The following TUSC3 variants were observed in gnomAD, a reference collection of about 807,000 sequenced individuals.
TUSC3 encodes dolichyl-diphosphooligosaccharide--protein glycosyltransferase subunit TUSC3.
Under a neutral mutation model 44.8 loss-of-function variants are expected in TUSC3, and 45 were observed. That is an observed-to-expected ratio of 1.00 (90% CI 0.79 to 1.29). The LOEUF is 1.29. Among genes scored for constraint, TUSC3 ranks in the 50% most tolerant of loss-of-function variants. The pLI is 0.00. For missense variants in TUSC3, 519 were observed against 437.9 expected (o/e 1.19, Z -1.65); for synonymous variants, 212 against 152.9 (o/e 1.39, Z -2.85).
In TUSC3 at chr8:15,435,086, T is replaced by A. The variant is rs934082599; in HGVS notation, n.91+17781T>A. Among the ~76,000 whole-genome samples, 6 of 148,970 alleles carry A rather than the reference T, an allele frequency of 4.0e-5. No individual in the cohort carries two copies. The South Asian group carries it at 1.3e-3, about 33-fold the overall frequency. ...TGGCTGGGTCAAATGGTATTTCTAG[T>A]TCTAGATCCCTGAGGAATCGCCACA... On this transcript the variant is annotated intron_variant and non_coding_transcript_variant, in intron 1 of 5. Transcript: ENST00000503191.
intron 1 of TUSC3, 64 bp downstream of exon 1, chr8:15,540,632 A>C: frequency 6.8e-7 from 1 of 1,471,916 alleles, no homozygotes; most frequent in South Asian, 1.4e-5. Context: ...CCGCGTTGCC[A>C]GGCAGCCCTG....
chr8:15,826,626 T>C, the TUSC3 span, among the ~76,000 whole-genome samples: 1 of 152,076 alleles, frequency 6.6e-6, no homozygotes, highest in East Asian at 1.9e-4. Flanking sequence ...TGGAAATAAA[T>C]GAAGATAACC....
intron 2 of TUSC3, among the ~76,000 whole-genome samples, chr8:15,524,747 G>T (rs1052603509): frequency 2.0e-5 from 3 of 152,070 alleles, no homozygotes; most frequent in African/African-American, 7.2e-5. Flanking sequence ...TTTCACTGTC[G>T]TTCTCTCATG....
At chr8:15,840,907 CA>C in the TUSC3 span, among the ~76,000 whole-genome samples, 1 of 152,064 alleles carries the variant, frequency 6.6e-6, no homozygotes, top group Non-Finnish European at 1.5e-5. Context: ...ATGCAGTGCT[CA>C]TATAGGAATT....
chr8:15,476,043 C>T (rs897377457), intron 1 of TUSC3, among the ~76,000 whole-genome samples: 1 of 152,066 alleles, frequency 6.6e-6, no homozygotes, highest in Non-Finnish European at 1.5e-5. Flanking sequence ...AAAATTATTC[C>T]TTGTTTGCTC....
At chr8:15,689,191 G>T (rs1238257482) in intron 6 of TUSC3, 4 of 369,658 alleles carry the variant, frequency 1.1e-5, no homozygotes, top group African/African-American at 4.4e-5. Context: ...TAAGCAGCAA[G>T]GGCTGCTAAG....
intron 1 of TUSC3, among the ~76,000 whole-genome samples, chr8:15,605,069 A>T (rs1443428015): frequency 6.6e-6 from 1 of 151,868 alleles, no homozygotes; most frequent in Non-Finnish European, 1.5e-5. Flanking sequence ...GTAAAGATGA[A>T]TGTAGTAGTG....
At chr8:15,595,894 A>C (rs146044268) in intron 1 of TUSC3, among the ~76,000 whole-genome samples, 1 of 152,330 alleles carries the variant, frequency 6.6e-6, no homozygotes, top group East Asian at 1.9e-4. Flanking sequence ...GACAGTCTTC[A>C]TAAGGTCCAG....
chr8:15,609,604 G>A (rs1275449801), intron 1 of TUSC3, among the ~76,000 whole-genome samples: 1 of 152,104 alleles, frequency 6.6e-6, no homozygotes, highest in Non-Finnish European at 1.5e-5. Context: ...TGACCCATTT[G>A]ATGACTGTCC....
In TUSC3 at chr8:15,523,790, G is replaced by A. The variant is rs1262131717; in HGVS notation, n.189+40307G>A. 4.0e-5 allele frequency among the ~76,000 whole-genome samples: 6 copies of A among 149,770 alleles called. No individual in the cohort carries two copies. In the Admixed American group the frequency reaches 4.0e-4, roughly 10 times the overall value. Reference sequence around the variant, plus strand: ...GTAAAAATAGAGGCAGGGCGCGGAGGCTTACGCCTGTAATCCCAGCACTTT... The same window carrying A: ...GTAAAAATAGAGGCAGGGCGCGGAGACTTACGCCTGTAATCCCAGCACTTT... On this transcript the variant is annotated intron_variant and non_coding_transcript_variant, in intron 2 of 5. Transcript: ENST00000503191.
intron 2 of TUSC3, among the ~76,000 whole-genome samples, chr8:15,530,706 A>C (rs1158030831): frequency 6.6e-6 from 1 of 152,266 alleles, no homozygotes; most frequent in Non-Finnish European, 1.5e-5. Flanking sequence ...TCAATGTAAT[A>C]GTAAATGCTC....
chr8:15,790,711 G>A, the TUSC3 span, among the ~76,000 whole-genome samples: 1 of 152,174 alleles, frequency 6.6e-6, no homozygotes, highest in South Asian at 2.1e-4. Flanking sequence ...AAGGATGGTA[G>A]CAGCTTGCCA....
intron 2 of TUSC3, among the ~76,000 whole-genome samples, chr8:15,647,533 A>G (rs1364568326): frequency 6.6e-6 from 1 of 152,066 alleles, no homozygotes; most frequent in Non-Finnish European, 1.5e-5. Context: ...TCTAGTTTGT[A>G]TTGGTTGCAT....
intron 6 of TUSC3, among the ~76,000 whole-genome samples, chr8:15,714,632 A>C (rs1463623615): frequency 1.3e-5 from 2 of 152,120 alleles, no homozygotes; most frequent in African/African-American, 4.8e-5. Context: ...ATAATTTCCA[A>C]GGTTATACTT....
chr8:15,749,629 C>T (rs1269040979), intron 9 of TUSC3, among the ~76,000 whole-genome samples: 1 of 151,046 alleles, frequency 6.6e-6, no homozygotes, highest in African/African-American at 2.5e-5. Flanking sequence ...GCAGAGTCTT[C>T]AGGTTTTTCA....
intron 1 of TUSC3, among the ~76,000 whole-genome samples, chr8:15,421,986 T>C (rs1799743730): frequency 6.6e-6 from 1 of 152,186 alleles, no homozygotes; most frequent in Admixed American, 6.5e-5. Context: ...GGGAGCATCA[T>C]AATGTACTAA....
At chr8:15,733,351 G>GTT (rs35411856) in intron 7 of TUSC3, 3,692 of 350,550 alleles carry the variant, frequency 0.011, 8 homozygotes, top group East Asian at 0.054. Context: ...GCTTCTTTTT[G>GTT]TTTTTTTTTT....
intron 2 of TUSC3, among the ~76,000 whole-genome samples, chr8:15,521,666 G>C (rs756224963): frequency 1.3e-5 from 2 of 152,180 alleles, no homozygotes; most frequent in Non-Finnish European, 2.9e-5. Flanking sequence ...ACGAATTTAT[G>C]TTGGGCTGCA....
downstream of TUSC3, among the ~76,000 whole-genome samples, chr8:15,767,453 C>G (rs1187502807): frequency 6.6e-6 from 1 of 150,786 alleles, no homozygotes. Context: ...AAAACACTGT[C>G]ACATTCCATT....
Sources: gnomAD v4.1 joint callset for allele counts (sites outside exome capture counted in the v4.1 genomes callset) on GRCh38, gnomAD v4.1.1 for gene constraint, MANE v1.5 for transcripts, NCBI Gene and HGNC (gene_info 2026-07-23, HGNC 2026-07-21) for gene names.